Variants in PLCE1 observed in about 807,000 individuals in gnomAD.
PLCE1 encodes the protein phospholipase C epsilon 1.
In PLCE1, 119 loss-of-function variants were observed where a neutral mutation model predicts 242.8. The ratio of observed to expected loss-of-function variants is 0.49; its 90% CI spans 0.42 to 0.57. PLCE1 has a LOEUF of 0.57. Ranked by LOEUF, PLCE1 falls within the 20% of genes least tolerant of loss-of-function variation. The probability of loss-of-function intolerance (pLI) is 0.00; values close to 1 mark genes in which losing one functional copy is unlikely to be tolerated. For synonymous variants in PLCE1, 945 were observed against 1,017.4 expected, an observed-to-expected ratio of 0.93 and a Z score of 1.35; for missense variants, 2,441 against 2,788.8, an observed-to-expected ratio of 0.88 and a Z score of 2.81.
intron 2 of PLCE1, among the ~76,000 whole-genome samples, chr10:94,073,083 T>C (rs1170168573): frequency 6.6e-6 from 1 of 152,100 alleles, no homozygotes; most frequent in Admixed American, 6.5e-5. Flanking sequence ...CTGGCTCCTG[T>C]CTTCATCCTT....
At chr10:94,128,908 C>T (rs1368521275) in intron 2 of PLCE1, among the ~76,000 whole-genome samples, 1 of 152,192 alleles carries the variant, frequency 6.6e-6, no homozygotes, top group Non-Finnish European at 1.5e-5. Context: ...CATTTGATAC[C>T]ATGTAGGAAT....
chr10:94,315,274 CT>C, intron 28 of PLCE1: 2 of 376,482 alleles, frequency 5.3e-6, no homozygotes, highest in Non-Finnish European at 1.0e-5. Context: ...GCTTTTCCTC[CT>C]GGTGAGATGT....
At chr10:94,136,200 C>A (rs1031486852) in intron 3 of PLCE1, among the ~76,000 whole-genome samples, 11 of 151,960 alleles carry the variant, frequency 7.2e-5, no homozygotes, top group African/African-American at 2.4e-4. Flanking sequence ...ATCATAGAGA[C>A]CTTAAGTAGA....
At chr10:94,114,663 A>G (rs1383203960) in intron 2 of PLCE1, among the ~76,000 whole-genome samples, 1 of 152,018 alleles carries the variant, frequency 6.6e-6, no homozygotes, top group East Asian at 1.9e-4. Flanking sequence ...AGTTCACAGT[A>G]TAGCTGTTCT....
intron 4 of PLCE1, among the ~76,000 whole-genome samples, chr10:94,223,089 A>G (rs1340645500): frequency 6.6e-6 from 1 of 152,056 alleles, no homozygotes; most frequent in Non-Finnish European, 1.5e-5. Flanking sequence ...TGCCTAAAGG[A>G]TGAGTAGGGT....
intron 29 of PLCE1, among the ~76,000 whole-genome samples, chr10:94,318,465 T>C (rs1173020302): frequency 6.6e-6 from 1 of 152,220 alleles, no homozygotes; most frequent in Non-Finnish European, 1.5e-5. Context: ...TGTTGAATGA[T>C]ATAATGGAAA....
chr10:94,163,064 C>T (rs1484694717), intron 3 of PLCE1, among the ~76,000 whole-genome samples: 1 of 152,124 alleles, frequency 6.6e-6, no homozygotes, highest in Non-Finnish European at 1.5e-5. Context: ...CTGAGGAGAG[C>T]TTTACTTCCA....
intron 11 of PLCE1, among the ~76,000 whole-genome samples, chr10:94,256,187 T>G (rs906708944): frequency 7.9e-4 from 120 of 151,032 alleles, no homozygotes; most frequent in African/African-American, 2.7e-3. Flanking sequence ...GCGGGTGTGG[T>G]GGTTCTCACC....
intron 7 of PLCE1, among the ~76,000 whole-genome samples, chr10:94,241,285 A>T (rs965203689): frequency 1.3e-5 from 2 of 152,168 alleles, no homozygotes; most frequent in Non-Finnish European, 2.9e-5. Flanking sequence ...TTTTTTTATA[A>T]TGCTTGTGGT....
chr10:94,136,933 C>G (rs982433716), intron 3 of PLCE1, among the ~76,000 whole-genome samples: 2 of 152,174 alleles, frequency 1.3e-5, no homozygotes. Flanking sequence ...TGGCTCACGC[C>G]TGTAATCCCA....
At chr10:94,231,380 C>A (rs1436835795) in intron 5 of PLCE1, among the ~76,000 whole-genome samples, 1 of 152,172 alleles carries the variant, frequency 6.6e-6, no homozygotes, top group Admixed American at 6.5e-5. Flanking sequence ...AGTTATAGGA[C>A]AAGCTGGATT....
intron 2 of PLCE1, among the ~76,000 whole-genome samples, chr10:94,050,875 A>G (rs2043746156): frequency 1.3e-5 from 2 of 152,206 alleles, no homozygotes; most frequent in South Asian, 2.1e-4. Flanking sequence ...ACCAACTTGC[A>G]TTTCATCTTT....
chr10:94,265,898 C>A lies in PLCE1; in HGVS notation c.4221C>A (p.His1407Gln). The A allele has an allele frequency of 6.2e-7, 1 of 1,614,014 alleles. No homozygotes were observed. Among genetic ancestry groups the A allele is most frequent in the African/African-American group, 1.3e-5 (1 of 75,036 alleles). ...CATACTATTACATCGAATCTTCGCA[C>A]AATACCTACCTCACGGGCCATCAGC... ...PLSYYYIESS[H>Q]NTYLTGHQLK... is the part of the protein sequence containing the mutation. Residue 1407 changes from histidine to glutamine, a missense_variant, in exon 16 of 33, where the codon CAC becomes CAA. His to Gln is a conservative substitution (Grantham distance 24). Around this residue, in one of 5 missense-constraint regions of PLCE1, gnomAD observed 1,004 missense variants for 1,322.7 expected, o/e 0.76. Coordinates refer to ENST00000371380, the MANE Select transcript of PLCE1 (RefSeq NM_016341.4).
At chr10:94,115,421 A>T (rs1362288516) in intron 2 of PLCE1, among the ~76,000 whole-genome samples, 1 of 152,184 alleles carries the variant, frequency 6.6e-6, no homozygotes, top group East Asian at 1.9e-4. Context: ...CATCCTCTCC[A>T]GCACCTGTTG....
rs2052912191 is a variant in PLCE1 at position 94,298,291 on chromosome 10, T to C, written c.5168-88T>C. 1 of 1,200,422 alleles carries C rather than the reference T, an allele frequency of 8.3e-7. No homozygotes were observed. Among genetic ancestry groups the C allele is most frequent in the Admixed American group, 1.7e-5 (1 of 58,090 alleles). 74.4% of individuals were successfully genotyped at this position (1,200,422 alleles called of 1,614,324 possible). ...TCTGATGTGGTTTATATGCTATGACTGTTTACTGGGATGTTGTTCAGGTTT... is the reference window on the plus strand; with the variant it reads ...TCTGATGTGGTTTATATGCTATGACCGTTTACTGGGATGTTGTTCAGGTTT... On this transcript the variant is annotated intron_variant, in intron 23 of 32. Transcript: ENST00000371380. This position sits in a 1 kb window ranked among gnomAD's most constrained non-coding sequence, Gnocchi z 5.2.
intron 14 of PLCE1, 60 bp from the exon 15 acceptor site, chr10:94,265,587 T>G: frequency 7.2e-7 from 1 of 1,379,960 alleles, no homozygotes; most frequent in Non-Finnish European, 1.0e-6. Context: ...ATGTGGTGGT[T>G]TCTTTCCCCC....
At position 94,049,599 on chromosome 10, in the gene PLCE1, G is replaced by GTCTC. The variant is rs547011018; in HGVS notation, c.1206+17360_1206+17363dup. On this transcript the variant is annotated intron_variant, in intron 2 of 32. Transcript: ENST00000371380. ...ACCCTGTCTGTCTGTCTGTCTGTCTGTCTCTCTCTCTCTCTCATAATTATT... is the reference window on the plus strand; with the variant it reads ...ACCCTGTCTGTCTGTCTGTCTGTCTGTCTCTCTCTCTCTCTCTCTCATAATTATT... 4.4e-3 allele frequency among the ~76,000 whole-genome samples: 665 copies of GTCTC among 150,710 alleles called. 4 individuals are homozygous for GTCTC. The highest frequency in any genetic ancestry group is 0.015 in the African/African-American group (610 of 40,898).
rs572017790 is a variant in PLCE1, at chr10:94,089,285, T to C, written c.1207-42889T>C. 2.5e-6 allele frequency: 4 copies of C among 1,614,018 alleles called. No individual in the cohort carries two copies. In the African/African-American group the frequency reaches 5.3e-5, roughly 22 times the overall value. ...TGGCTTTGCACGCTCTCAGCTGTCT[T>C]GAAGGTTGGTTGGCTCTTCCCGCTC... On this transcript the variant is annotated intron_variant, in intron 2 of 32. Transcript: ENST00000371380.
chr10:94,106,944 C>CTCTCTCTCTCTCTCTCT (rs1554855409), intron 2 of PLCE1: 12 of 126,372 alleles, frequency 9.5e-5, no homozygotes, highest in Non-Finnish European at 1.3e-4. Context: ...CTCTCTCTCT[C>CTCTCTCTCTCTCTCTCT]CCCCTCCCCT....
Sources: allele counts gnomAD v4.1 joint callset (sites outside exome capture counted in the v4.1 genomes callset), GRCh38; gene constraint gnomAD v4.1.1; regional missense constraint gnomAD v4.1.1; non-coding constraint Gnocchi (gnomAD v3.1); transcripts MANE v1.5; gene names NCBI Gene and HGNC (gene_info 2026-07-23, HGNC 2026-07-21).